The following CDKN2A variants were observed in gnomAD, a reference collection of about 807,000 sequenced individuals.
CDKN2A encodes cyclin dependent kinase inhibitor 2A, also known as cyclin-dependent kinase inhibitor 2A.
CDKN2A carries 3 observed loss-of-function variants against 11.1 expected under a neutral mutation model. The observed-to-expected ratio is 0.27, with a 90% CI of 0.12 to 0.70. The LOEUF is 0.70. CDKN2A is among the 30% of genes least tolerant of loss of function. CDKN2A has a pLI of 0.77. For missense variants in CDKN2A, 265 were observed against 233.6 expected (o/e 1.13, Z -0.88); for synonymous variants, 122 against 108.1 (o/e 1.13, Z -0.80).
At chr9:21,969,457 A>G (rs1307427577) in intron 2 of CDKN2A, 2 of 325,462 alleles carry the variant, frequency 6.1e-6, no homozygotes, top group Non-Finnish European at 1.1e-5. Context: ...CACCTAGAAC[A>G]GGGCTGATCA....
At chr9:21,981,647 C>A (rs1213829118) in intron 2 of CDKN2A, among the ~76,000 whole-genome samples, 1 of 129,336 alleles carries the variant, frequency 7.7e-6, no homozygotes, top group Non-Finnish European at 1.6e-5. Context: ...TTTTTTTTTA[C>A]TAGCTTCAAT....
chr9:21,987,421 A>ACACACG (rs1477986315), intron 2 of CDKN2A, among the ~76,000 whole-genome samples: 3 of 119,640 alleles, frequency 2.5e-5, no homozygotes, highest in South Asian at 7.2e-4. Flanking sequence ...ACACACACAC[A>ACACACG]CACACACACA....
rs1258072678 is a variant in CDKN2A, at chr9:21,991,660, G to A, written c.-4+2222C>T. Reference sequence around the variant, plus strand: ...CTCTATCATGGTAGTTGATAGTGATGAACTAACGTGGAATAATAGATCTGT... The same window carrying A: ...CTCTATCATGGTAGTTGATAGTGATAAACTAACGTGGAATAATAGATCTGT... On this transcript the variant is annotated intron_variant, in intron 2 of 3. Transcript: ENST00000494262. This position sits in a 1 kb window ranked among gnomAD's most constrained non-coding sequence, Gnocchi z 5.2. The A allele has an allele frequency of 1.0e-6, 1 of 984,300 alleles. No homozygotes were observed. Among genetic ancestry groups the A allele is most frequent in the African/African-American group, 1.7e-5 (1 of 57,204 alleles). The allele number at this position is 984,300 out of a possible 1,614,324, so 61.0% of individuals were successfully genotyped here.
chr9:21,981,006 GTA>G (rs368965186), intron 2 of CDKN2A, among the ~76,000 whole-genome samples: 2 of 3,940 alleles, frequency 5.1e-4, no homozygotes, highest in African/African-American at 1.3e-3. Flanking sequence ...ATATATACGT[GTA>G]TATATATATA....
chr9:21,970,070 T>C (rs1819633427), intron 2 of CDKN2A, among the ~76,000 whole-genome samples: 1 of 152,026 alleles, frequency 6.6e-6, no homozygotes, highest in African/African-American at 2.4e-5. Context: ...TATATCTATT[T>C]TGTTTCAAAA....
intron 1 of CDKN2A, chr9:21,994,409 G>T: frequency 6.2e-7 from 1 of 1,606,050 alleles, no homozygotes. Flanking sequence ...CGCCACTCCT[G>T]CCCCCTTAAC....
rs201208890 is a variant in CDKN2A, at chr9:21,971,185, T to G, written c.174A>C (p.Arg58=). 829 of 1,597,292 alleles carry G rather than the reference T, an allele frequency of 5.2e-4. 4 individuals are homozygous for G. In the African/African-American group the frequency reaches 9.7e-3, roughly 19 times the overall value. Residue 58 remains arginine (R), a synonymous_variant, in exon 2 of 3, where the codon CGA becomes CGC. Transcript: ENST00000304494. Reference sequence around the variant, plus strand: ...CGTGGAGCAGCAGCAGCTCCGCCACTCGGGCGCTGCCCATCATCATGACCT... The same window carrying G: ...CGTGGAGCAGCAGCAGCTCCGCCACGCGGGCGCTGCCCATCATCATGACCT... The part of the protein sequence containing the change: ...PIQVMMMGSA[R]VAELLLLHGA...
At chr9:21,986,174 C>T (rs534613263) in intron 2 of CDKN2A, among the ~76,000 whole-genome samples, 1 of 152,138 alleles carries the variant, frequency 6.6e-6, no homozygotes, top group East Asian at 1.9e-4. Flanking sequence ...ATAGAATCTG[C>T]TCACAGGTCA....
At chr9:21,987,195 C>T (rs1219565791) in intron 2 of CDKN2A, among the ~76,000 whole-genome samples, 1 of 151,836 alleles carries the variant, frequency 6.6e-6, no homozygotes, top group Non-Finnish European at 1.5e-5. Flanking sequence ...TTTACAGAGA[C>T]ATAAAGACCC....
rs1587326119 is a variant in CDKN2A, at chr9:21,968,629, C to T, written c.458-387G>A. ...GCCTTTCCCTTCCCGCATCCCCAGG[C>T]ATCTTTTGCACCTGGTGCGGAGTGA... On this transcript the variant is annotated intron_variant, in intron 2 of 2. Transcript: ENST00000304494. The surrounding 1 kb of genome is among the most constrained non-coding windows in gnomAD (Gnocchi z 4.7). 16 of 1,519,048 alleles carry T rather than the reference C, an allele frequency of 1.1e-5. No individual in the cohort carries two copies. The South Asian group carries it at 2.0e-4, about 19-fold the overall frequency. 94.1% of individuals were successfully genotyped at this position (1,519,048 alleles called of 1,614,324 possible).
chr9:21,985,901 A>G (rs1224191849), intron 2 of CDKN2A, among the ~76,000 whole-genome samples: 1 of 152,024 alleles, frequency 6.6e-6, no homozygotes, highest in Non-Finnish European at 1.5e-5. Context: ...AGAAATTTCT[A>G]GCTACACTGA....
At position 21,968,707 on chromosome 9, in the gene CDKN2A, C is replaced by G. The variant is rs563204204; in HGVS notation, c.458-465G>C. 2.5e-5 allele frequency: 39 copies of G among 1,536,154 alleles called. No homozygotes were observed. The African/African-American group carries it at 4.2e-4, about 17-fold the overall frequency. On this transcript the variant is annotated intron_variant, in intron 2 of 2. Coordinates refer to ENST00000304494, the MANE Select transcript of CDKN2A (RefSeq NM_000077.5). This position sits in a 1 kb window ranked among gnomAD's most constrained non-coding sequence, Gnocchi z 4.7. ...CGCCTCAGGCTCTGGCGCTCCTCGG[C>G]GGAATCCCGTAGCTTCCCTACGCAT...
intron 2 of CDKN2A, among the ~76,000 whole-genome samples, chr9:21,982,720 A>C (rs927562507): frequency 4.6e-5 from 7 of 152,102 alleles, no homozygotes; most frequent in Non-Finnish European, 1.0e-4. Context: ...GAGATAATAA[A>C]AAATTCATTA....
intron 2 of CDKN2A, 94 bp downstream of exon 2, chr9:21,970,808 C>T (rs1335729410): frequency 2.0e-6 from 3 of 1,480,532 alleles, no homozygotes; most frequent in Non-Finnish European, 2.8e-6. Flanking sequence ...AGACCGGAGA[C>T]TGGTCTCCCG....
intron 1 of CDKN2A, chr9:21,994,697 C>G: frequency 3.8e-6 from 1 of 263,790 alleles, no homozygotes; most frequent in Non-Finnish European, 7.2e-6. Context: ...CGCCCCCACC[C>G]CCACCACCAT....
chr9:21,994,659 G>T (rs901841698), intron 1 of CDKN2A: 2 of 331,542 alleles, frequency 6.0e-6, no homozygotes, highest in African/African-American at 4.5e-5. Context: ...TCTCCCTCCC[G>T]CCTACCGCCA....
intron 2 of CDKN2A, chr9:21,970,452 AGAT>A: frequency 2.6e-6 from 1 of 378,452 alleles, no homozygotes; most frequent in Non-Finnish European, 4.8e-6. Flanking sequence ...AGAGATCTCC[AGAT>A]GATGCCACGC....
chr9:21,974,655 C>T lies in CDKN2A; in HGVS notation c.150+23G>A, dbSNP rs1819942786. 1 of 1,614,232 alleles carries T rather than the reference C, an allele frequency of 6.2e-7. No homozygotes were observed. Among genetic ancestry groups the T allele is most frequent in the Middle Eastern group, 1.6e-4 (1 of 6,062 alleles). ...CCAGAGTCGCCCGCCATCCCCTGCT[C>T]CCGCTGCAGACCCTCTACCCACCTG... On this transcript the variant is annotated intron_variant, in intron 1 of 2. Transcript: ENST00000304494. This position sits in a 1 kb window ranked among gnomAD's most constrained non-coding sequence, Gnocchi z 5.2.
rs546300971 is a variant in CDKN2A at position 21,971,098 on chromosome 9, C to T, written c.261G>A (p.Arg87=). 1.7e-5 allele frequency: 27 copies of T among 1,604,930 alleles called. No homozygotes were observed. In the Admixed American group the frequency reaches 3.0e-4, roughly 18 times the overall value. The change falls in exon 2 of 3, where the codon CGG becomes CGA. Residue 87 remains arginine, a synonymous_variant. Coordinates refer to ENST00000304494, the MANE Select transcript of CDKN2A (RefSeq NM_000077.5). ...TLTRPVHDAA[R]EGFLDTLVVL... is the part of the protein sequence containing the mutation. ...CCACCAGCGTGTCCAGGAAGCCCTC[C>T]CGGGCAGCGTCGTGCACGGGTCGGG...
Sources: gnomAD v4.1 joint callset for allele counts (sites outside exome capture counted in the v4.1 genomes callset) on GRCh38, gnomAD v4.1.1 for gene constraint, Gnocchi (gnomAD v3.1) non-coding constraint, MANE v1.5 for transcripts, NCBI Gene and HGNC (gene_info 2026-07-23, HGNC 2026-07-21) for gene names.